The following NFIA variants were observed in gnomAD, a reference collection of about 807,000 sequenced individuals.
The protein encoded by NFIA is nuclear factor I A.
Under a neutral mutation model 62.8 loss-of-function variants are expected in NFIA, and 8 were observed. The ratio of observed to expected loss-of-function variants is 0.13; its 90% CI spans 0.07 to 0.23. The LOEUF is 0.23. Among genes scored for constraint, NFIA ranks in the 10% least tolerant of loss-of-function variants. The probability of loss-of-function intolerance (pLI) is 1.00; values close to 1 mark genes in which losing one functional copy is unlikely to be tolerated. For missense variants in NFIA, 410 were observed against 642.1 expected (o/e 0.64, Z 3.91); for synonymous variants, 235 against 238.1 (o/e 0.99, Z 0.12).
rs1434351751 is a variant in NFIA at position 61,456,586 on chromosome 1, AT to A, written c.*1267del. 1.3e-5 allele frequency: 2 copies of A among 151,512 alleles called. No individual in the cohort carries two copies. Among genetic ancestry groups the A allele is most frequent in the African/African-American group, 4.8e-5 (2 of 41,318 alleles). 9.4% of individuals were successfully genotyped at this position (151,512 alleles called of 1,614,324 possible). A position where few individuals can be genotyped will look rare whatever the true frequency, so the allele number is the denominator to read the frequency against. On this transcript the variant is annotated 3_prime_UTR_variant, in exon 11 of 11. Transcript: ENST00000403491. ...TCTGGCATCATAGGATTTATCAGTTATCAGACACCTCATTGTACCAGAGATT... is the reference window on the plus strand; with the variant it reads ...TCTGGCATCATAGGATTTATCAGTTACAGACACCTCATTGTACCAGAGATT...
intron 6 of NFIA, among the ~76,000 whole-genome samples, chr1:61,381,614 A>G (rs532345094): frequency 3.9e-5 from 6 of 152,140 alleles, no homozygotes; most frequent in Admixed American, 6.5e-5. Flanking sequence ...CCAATTTTCA[A>G]TTTTTCTTTC....
chr1:61,445,518 G>C (rs986287455), intron 10 of NFIA, among the ~76,000 whole-genome samples: 3 of 152,120 alleles, frequency 2.0e-5, no homozygotes. Flanking sequence ...CTCCCATGTG[G>C]GTTTGTTTTG....
intron 1 of NFIA, among the ~76,000 whole-genome samples, chr1:61,083,599 G>A (rs1205188781): frequency 6.6e-6 from 1 of 151,722 alleles, no homozygotes; most frequent in East Asian, 1.9e-4. Flanking sequence ...CCGGTGGCCC[G>A]TTGGCTCTCC....
intron 10 of NFIA, among the ~76,000 whole-genome samples, chr1:61,445,606 A>G (rs1399848034): frequency 6.6e-6 from 1 of 152,172 alleles, no homozygotes; most frequent in Non-Finnish European, 1.5e-5. Context: ...GGAGGAGAAA[A>G]GTATTGTTCA....
intron 7 of NFIA, among the ~76,000 whole-genome samples, chr1:61,395,327 G>T (rs1569750448): frequency 6.7e-6 from 1 of 149,062 alleles, no homozygotes; most frequent in African/African-American, 2.5e-5. Context: ...ACTTGCAACA[G>T]CCTAGATCCA....
chr1:61,093,674 A>G (rs1211199066), intron 2 of NFIA, among the ~76,000 whole-genome samples: 29 of 152,204 alleles, frequency 1.9e-4, no homozygotes. Flanking sequence ...ATGTAGTGCA[A>G]AAGATGGTAG....
intron 2 of NFIA, among the ~76,000 whole-genome samples, chr1:61,201,148 T>C (rs1652458818): frequency 6.6e-6 from 1 of 152,202 alleles, no homozygotes; most frequent in Non-Finnish European, 1.5e-5. Context: ...TTTTTGTTGT[T>C]GTTACCTTAA....
chr1:61,313,362 A>G (rs1267419088), intron 3 of NFIA, among the ~76,000 whole-genome samples: 2 of 152,212 alleles, frequency 1.3e-5, no homozygotes, highest in East Asian at 1.9e-4. Context: ...GCTTTCACTC[A>G]TGGCAGAGGG....
chr1:61,303,640 C>T (rs137907545), intron 3 of NFIA, among the ~76,000 whole-genome samples: 77 of 152,320 alleles, frequency 5.1e-4, no homozygotes, highest in East Asian at 3.3e-3. Context: ...GCAGTTCATG[C>T]AGGACAGTGG....
At chr1:61,427,439 A>G (rs544421463) in intron 10 of NFIA, among the ~76,000 whole-genome samples, 1 of 152,300 alleles carries the variant, frequency 6.6e-6, no homozygotes, top group African/African-American at 2.4e-5. Context: ...TTTTCTCTGT[A>G]AGGTTCTTAG....
intron 3 of NFIA, among the ~76,000 whole-genome samples, chr1:61,330,402 T>G (rs1042581299): frequency 1.3e-5 from 2 of 149,900 alleles, no homozygotes; most frequent in African/African-American, 4.9e-5. Flanking sequence ...GTTGATGACA[T>G]GGAGGTAGAT....
In NFIA at chr1:61,380,816, G is replaced by T. The variant is rs142999292; in HGVS notation, c.947-2421G>T. On this transcript the variant is annotated intron_variant, in intron 6 of 10. Coordinates refer to ENST00000403491, the MANE Select transcript of NFIA (RefSeq NM_001134673.4). ...CCTGCATGCTGACGGTATTTCTTCC[G>T]TCTTTAACCCTTGCAAAGAAGATTT... Among the ~76,000 whole-genome samples the T allele has an allele frequency of 1.5e-4, 23 of 152,116 alleles. 1 individual carries two copies. The East Asian group carries it at 4.2e-3, about 28-fold the overall frequency.
At chr1:61,189,264 A>G (rs984243709) in intron 2 of NFIA, among the ~76,000 whole-genome samples, 1 of 152,104 alleles carries the variant, frequency 6.6e-6, no homozygotes, top group Non-Finnish European at 1.5e-5. Flanking sequence ...CTGGGGCCTG[A>G]CCTTAGGGCA....
intron 2 of NFIA, among the ~76,000 whole-genome samples, chr1:61,270,996 A>G (rs1657469723): frequency 6.6e-6 from 1 of 152,224 alleles, no homozygotes; most frequent in African/African-American, 2.4e-5. Flanking sequence ...CCTGTCTTTT[A>G]TAATCACCAG....
chr1:61,169,717 C>G (rs1557611476), intron 2 of NFIA, among the ~76,000 whole-genome samples: 1 of 152,140 alleles, frequency 6.6e-6, no homozygotes, highest in African/African-American at 2.4e-5. Context: ...ATGTCAGTAA[C>G]CTCTTTCTTG....
Position 61,184,123 on chromosome 1 carries a change from A to G in NFIA, c.560-93397A>G, listed in dbSNP as rs868020539. Among the ~76,000 whole-genome samples the G allele has an allele frequency of 2.2e-5, 3 of 136,078 alleles. No homozygotes were observed. In the East Asian group the frequency reaches 7.0e-4, roughly 32 times the overall value. 89.3% of individuals were successfully genotyped at this position (136,078 alleles called of 152,430 possible). On this transcript the variant is annotated intron_variant, in intron 2 of 10. Transcript: ENST00000403491. ...AAGGTTTATGGGGGGGGGAAAAAAA[A>G]CCAAAAAAAAAAAAAAAAACCCAAA...
At chr1:61,082,376 C>T (rs1289422527), upstream of NFIA, 10 of 624,950 alleles carry the variant, frequency 1.6e-5, no homozygotes, top group South Asian at 1.4e-4. Context: ...CACCCCCTCC[C>T]CCCCGCGGCG....
At chr1:61,156,208 GTTATCTCC>G (rs1648810496) in intron 2 of NFIA, among the ~76,000 whole-genome samples, 2 of 152,156 alleles carry the variant, frequency 1.3e-5, no homozygotes, top group African/African-American at 2.4e-5. Flanking sequence ...GACCTAAGAG[GTTATCTCC>G]TCTAAGCCCC....
intron 2 of NFIA, among the ~76,000 whole-genome samples, chr1:61,226,424 A>G (rs998247117): frequency 6.6e-6 from 1 of 152,144 alleles, no homozygotes; most frequent in African/African-American, 2.4e-5. Context: ...CTTACTTTGT[A>G]TTTTTATGTA....
Sources: gnomAD v4.1 joint callset for allele counts (sites outside exome capture counted in the v4.1 genomes callset) on GRCh38, gnomAD v4.1.1 for gene constraint, MANE v1.5 for transcripts, NCBI Gene and HGNC (gene_info 2026-07-23, HGNC 2026-07-21) for gene names.